Variants in CEP350 observed in about 807,000 individuals in gnomAD.
CEP350 encodes centrosome-associated protein 350.
Under a neutral mutation model 331.8 loss-of-function variants are expected in CEP350, and 126 were observed. The ratio of observed to expected loss-of-function variants is 0.38; its 90% CI spans 0.33 to 0.44. The LOEUF is 0.44. Ranked by LOEUF, CEP350 falls within the 20% of genes least tolerant of loss-of-function variation. CEP350 has a pLI of 1.00. For synonymous variants in CEP350, 1,200 were observed against 1,259.5 expected, an observed-to-expected ratio of 0.95 and a Z score of 1.00; for missense variants, 3,406 against 3,634.6, an observed-to-expected ratio of 0.94 and a Z score of 1.62.
intron 7 of CEP350, among the ~76,000 whole-genome samples, chr1:180,005,989 G>T (rs572567838): frequency 6.6e-6 from 1 of 152,128 alleles, no homozygotes; most frequent in African/African-American, 2.4e-5. Context: ...GTAATAATGT[G>T]TATATAAAAT....
chr1:180,067,919 A>G (rs1479163611), intron 27 of CEP350, among the ~76,000 whole-genome samples: 3 of 152,356 alleles, frequency 2.0e-5, no homozygotes, highest in Non-Finnish European at 2.9e-5. Flanking sequence ...GTCATTCGCT[A>G]TGGTAGACAC....
intron 34 of CEP350, 95 bp downstream of exon 34, chr1:180,094,711 C>T: frequency 7.6e-7 from 1 of 1,315,926 alleles, no homozygotes; most frequent in Non-Finnish European, 1.0e-6. Context: ...AATTCTGTGA[C>T]TCCTGATAGG....
At chr1:180,015,715 TTTTG>T in intron 10 of CEP350, 130 bp from the exon 11 acceptor site, 1 of 1,106,964 alleles carries the variant, frequency 9.0e-7, no homozygotes, top group Non-Finnish European at 1.2e-6. Flanking sequence ...TTTTAATTGG[TTTTG>T]TTTGACAAAA....
chr1:179,987,831 C>T (rs1051660912), intron 3 of CEP350, among the ~76,000 whole-genome samples: 1 of 151,770 alleles, frequency 6.6e-6, no homozygotes, highest in African/African-American at 2.4e-5. Flanking sequence ...GAGGCTGAGG[C>T]AGGAGGATTG....
At chr1:179,960,302 A>C (rs960474948) in intron 1 of CEP350, among the ~76,000 whole-genome samples, 1 of 152,028 alleles carries the variant, frequency 6.6e-6, no homozygotes, top group Non-Finnish European at 1.5e-5. Context: ...GAGAAAAGCC[A>C]CACAGACATG....
rs748048972 is a variant in CEP350, at chr1:179,996,730, T to C, written c.573T>C (p.Asp191=). Residue 191 remains aspartate (D), a synonymous_variant, in exon 6 of 38, where the codon GAT becomes GAC. Transcript: ENST00000367607. Reference sequence around the variant, plus strand: ...GCTCCCAATCATCTGTCATCAATGATACAGTTGTTAGGTTTTTAAATGATC... The same window carrying C: ...GCTCCCAATCATCTGTCATCAATGACACAGTTGTTAGGTTTTTAAATGATC... ...FESSQSSVIN[D]TVVRFLNDRP... The C allele has an allele frequency of 6.2e-7, 1 of 1,613,636 alleles. No individual in the cohort carries two copies. The highest frequency in any genetic ancestry group is 8.5e-7 in the Non-Finnish European group (1 of 1,179,658).
At chr1:180,092,552 T>C (rs1416381487) in intron 33 of CEP350, 62 bp from the exon 34 acceptor site, 2 of 1,306,230 alleles carry the variant, frequency 1.5e-6, no homozygotes, top group Non-Finnish European at 2.0e-6. Flanking sequence ...TAAACTTTGG[T>C]TCACAAAATT....
At chr1:180,025,783 C>A (rs1023540783) in intron 14 of CEP350, among the ~76,000 whole-genome samples, 1 of 152,008 alleles carries the variant, frequency 6.6e-6, no homozygotes, top group African/African-American at 2.4e-5. Flanking sequence ...AGCATCAGGA[C>A]AAATACCTAA....
At chr1:179,984,334 GCTCAATGTCT>G (rs1389583634) in intron 1 of CEP350, among the ~76,000 whole-genome samples, 2 of 152,184 alleles carry the variant, frequency 1.3e-5, no homozygotes, top group East Asian at 3.8e-4. Flanking sequence ...GGTGATTTTG[GCTCAATGTCT>G]CTCATAAGGT....
chr1:179,973,545 G>A lies in CEP350; in HGVS notation c.-13-12624G>A, dbSNP rs552776129. Among the ~76,000 whole-genome samples the A allele has an allele frequency of 5.5e-4, 84 of 152,088 alleles. 1 individual carries two copies. The South Asian group carries it at 0.017, about 30-fold the overall frequency. ...GTAATCATAATTAGGCTTTTACTTG[G>A]TGATAGAGCAGTAGTATTATCTTTT... On this transcript the variant is annotated intron_variant, in intron 1 of 37. Coordinates refer to ENST00000367607, the MANE Select transcript of CEP350 (RefSeq NM_014810.5).
Position 180,053,800 on chromosome 1 carries a change from T to A in CEP350, c.5040T>A (p.Thr1680=). Reference sequence around the variant, plus strand: ...GACAAGATAGCTTTTCTAAATTTACTATGGAGATGGTTCGACAGTATATGA... The same window carrying A: ...GACAAGATAGCTTTTCTAAATTTACAATGGAGATGGTTCGACAGTATATGA... The part of the protein sequence containing the change: ...SGGQDSFSKF[T]MEMVRQYMKE... The change falls in exon 24 of 38, where the codon ACT becomes ACA. Residue 1680 remains threonine (T), a synonymous_variant. Coordinates refer to ENST00000367607, the MANE Select transcript of CEP350 (RefSeq NM_014810.5). 1 of 1,606,996 alleles carries A rather than the reference T, an allele frequency of 6.2e-7. No homozygotes were observed. The highest frequency in any genetic ancestry group is 8.5e-7 in the Non-Finnish European group (1 of 1,175,256).
At chr1:180,073,116 A>T (rs16855268) in intron 27 of CEP350, among the ~76,000 whole-genome samples, 18,187 of 152,094 alleles carry the variant, frequency 0.12, 1,171 homozygotes, top group South Asian at 0.16. Flanking sequence ...TATTGGGACT[A>T]GCTCACTTTA....
chr1:179,993,734 C>T (rs964782598), intron 5 of CEP350, among the ~76,000 whole-genome samples: 5 of 152,046 alleles, frequency 3.3e-5, no homozygotes, highest in African/African-American at 1.2e-4. Flanking sequence ...TGAGCCACTG[C>T]GGCTGGCCTG....
chr1:180,046,252 T>G (rs989280910), intron 21 of CEP350, among the ~76,000 whole-genome samples: 9 of 152,210 alleles, frequency 5.9e-5, no homozygotes, highest in African/African-American at 2.2e-4. Flanking sequence ...TATACCCTCC[T>G]CTGGCAACCA....
At chr1:180,067,076 G>C (rs753081600) in intron 27 of CEP350, among the ~76,000 whole-genome samples, 4 of 152,008 alleles carry the variant, frequency 2.6e-5, no homozygotes, top group Non-Finnish European at 5.9e-5. Flanking sequence ...TAGTTTCTGG[G>C]ATGCTTATTT....
chr1:180,050,444 C>T (rs1274508062), intron 22 of CEP350, among the ~76,000 whole-genome samples: 1 of 151,996 alleles, frequency 6.6e-6, no homozygotes, highest in Non-Finnish European at 1.5e-5. Context: ...AGGCAGATCA[C>T]CTGAGGTCAG....
intron 3 of CEP350, among the ~76,000 whole-genome samples, chr1:179,990,057 C>T (rs939663083): frequency 1.3e-5 from 2 of 151,924 alleles, no homozygotes; most frequent in African/African-American, 4.8e-5. Flanking sequence ...GGCGTGGTGG[C>T]GCACGCCTGT....
At chr1:180,074,971 C>A in intron 27 of CEP350, 51 bp from the exon 28 acceptor site, 1 of 1,482,388 alleles carries the variant, frequency 6.7e-7, no homozygotes, top group Non-Finnish European at 9.1e-7. Flanking sequence ...TCAAAGTGAT[C>A]TCTGCATATA....
rs770768794 is a variant in CEP350 at position 180,020,008 on chromosome 1, A to G, written c.2234A>G (p.His745Arg). Residue 745 changes from histidine to arginine, a missense_variant, in exon 12 of 38, where the codon CAT becomes CGT. This residue lies in a region of CEP350 where 1,857 missense variants were observed against 1,909.2 expected (regional missense o/e 0.97). Coordinates refer to ENST00000367607, the MANE Select transcript of CEP350 (RefSeq NM_014810.5). ...QPERLSPQVH[H>R]SQPQPFAGTA... ...GAAAGATTGAGCCCACAAGTTCACC[A>G]TTCTCAACCACAGCCTTTTGCTGGA... 10 of 1,613,810 alleles carry G rather than the reference A, an allele frequency of 6.2e-6. No homozygotes were observed. The highest frequency in any genetic ancestry group is 8.5e-6 in the Non-Finnish European group (10 of 1,179,772).
Sources: allele counts gnomAD v4.1 joint callset (sites outside exome capture counted in the v4.1 genomes callset), GRCh38; gene constraint gnomAD v4.1.1; regional missense constraint gnomAD v4.1.1; transcripts MANE v1.5; gene names NCBI Gene and HGNC (gene_info 2026-07-23, HGNC 2026-07-21).